Variants in CCN6 observed in about 807,000 individuals in gnomAD.
The protein encoded by CCN6 is CCN family member 6.
A neutral mutation model predicts 37.4 loss-of-function variants in CCN6; 31 were observed. The ratio of observed to expected loss-of-function variants is 0.83; its 90% confidence interval spans 0.62 to 1.12. The LOEUF (loss-of-function observed/expected upper bound fraction) is 1.12. CCN6 is among the 50% of genes most tolerant of loss of function. The pLI, the probability that CCN6 is intolerant of heterozygous loss-of-function variation, is 0.00. For synonymous variants in CCN6, 137 were observed against 142.1 expected, an observed-to-expected ratio of 0.96 and a Z score of 0.26; for missense variants, 369 against 413.8, an observed-to-expected ratio of 0.89 and a Z score of 0.94.
upstream of CCN6, among the ~76,000 whole-genome samples, chr6:112,053,789 G>T (rs587726022): frequency 6.6e-6 from 1 of 151,380 alleles, no homozygotes; most frequent in Non-Finnish European, 1.5e-5. Context: ...TGAGCTGGGG[G>T]AGTCAGGGTC....
chr6:112,066,488 T>C (rs587707207), intron 3 of CCN6, among the ~76,000 whole-genome samples: 6 of 152,302 alleles, frequency 3.9e-5, no homozygotes, highest in East Asian at 3.9e-4. Flanking sequence ...AGGCATCAGA[T>C]AGTCAGTCTT....
In CCN6 at chr6:112,064,922, A is replaced by G. The variant is rs1554313615; in HGVS notation, c.514A>G (p.Lys172Glu). 4 of 1,614,106 alleles carry G rather than the reference A, an allele frequency of 2.5e-6. No homozygotes were observed. The South Asian group carries it at 4.4e-5, about 18-fold the overall frequency. ...GSHCSGAKGG[K>E]KSDQSNCSLE... ...TCACTGCTCTGGAGCTAAAGGTGGA[A>G]AGAAGTCTGATCAGTCAAACTGTAG... The change falls in exon 3 of 5, where the codon AAG (lysine) becomes GAG (glutamate). Residue 172 changes from lysine to glutamate, a missense_variant. By Grantham distance (56) the Lys-to-Glu change is moderately conservative. Transcript: ENST00000368666.
chr6:112,062,744 C>T (rs1451641194), intron 2 of CCN6, among the ~76,000 whole-genome samples: 1 of 152,216 alleles, frequency 6.6e-6, no homozygotes, highest in Non-Finnish European at 1.5e-5. Context: ...TGACCAAACA[C>T]TCTCTGGCTT....
rs587735869 is a variant in CCN6 at position 112,060,099 on chromosome 6, G to T, written c.49-892G>T. ...GTGTGGAGGCAGCAAGGGGGTGAGT[G>T]GCAGTGGGCAAAGTAATATGGGGAG... On this transcript the variant is annotated intron_variant, in intron 1 of 4. Transcript: ENST00000368666. 176 of 1,360,440 alleles carry T rather than the reference G, an allele frequency of 1.3e-4. 2 individuals are homozygous for T. The South Asian group carries it at 2.0e-3, about 15-fold the overall frequency. The allele number at this position is 1,360,440 out of a possible 1,614,324, so 84.3% of individuals were successfully genotyped here. A position where few individuals can be genotyped will look rare whatever the true frequency, so the allele number is the denominator to read the frequency against.
chr6:112,055,336 T>TAG (rs1776315594), intron 1 of CCN6, among the ~76,000 whole-genome samples: 1 of 152,252 alleles, frequency 6.6e-6, no homozygotes, highest in East Asian at 1.9e-4. Flanking sequence ...CCACTGTTCT[T>TAG]GAGAAAAAGC....
intron 1 of CCN6, among the ~76,000 whole-genome samples, chr6:112,059,659 C>T (rs1466596218): frequency 6.6e-6 from 1 of 152,224 alleles, no homozygotes; most frequent in Non-Finnish European, 1.5e-5. Context: ...CATATATGCA[C>T]AGACTCCAGG....
At chr6:112,067,048 T>C (rs782336196) in intron 3 of CCN6, 7 of 1,365,720 alleles carry the variant, frequency 5.1e-6, no homozygotes, top group Non-Finnish European at 2.0e-6. Flanking sequence ...TTCACGTTTC[T>C]GCTTCCTCTC....
rs1554312776 is a variant in CCN6 at position 112,061,173 on chromosome 6, C to A, written c.231C>A (p.Ile77=). The A allele has an allele frequency of 2.5e-6, 4 of 1,614,146 alleles. No individual in the cohort carries two copies. In the East Asian group the frequency reaches 8.9e-5, roughly 36 times the overall value. ...GAGATGGCTGTGGATGCTGTAAAAT[C>A]TGTGCCAAGCAACCAGGGGAAATCT... ...LVRDGCGCCK[I]CAKQPGEICN... is the part of the protein sequence containing the mutation. Residue 77 remains isoleucine, a synonymous_variant, in exon 2 of 5, where the codon ATC becomes ATA. Coordinates refer to ENST00000368666, the MANE Select transcript of CCN6 (RefSeq NM_198239.2).
upstream of CCN6, chr6:112,054,092 A>C: frequency 6.5e-6 from 4 of 620,030 alleles, no homozygotes; most frequent in East Asian, 2.9e-5. Context: ...CCCGGGAGGA[A>C]AGTGCTCGCC....
chr6:112,062,874 C>T (rs1455953784), intron 2 of CCN6, among the ~76,000 whole-genome samples: 3 of 152,116 alleles, frequency 2.0e-5, no homozygotes, highest in Non-Finnish European at 4.4e-5. Context: ...GAAATTACCC[C>T]TTTATACTCT....
intron 1 of CCN6, among the ~76,000 whole-genome samples, chr6:112,056,162 T>C (rs1468201677): frequency 6.6e-6 from 1 of 152,204 alleles, no homozygotes; most frequent in Non-Finnish European, 1.5e-5. Context: ...ACATATTGAC[T>C]ATGTCCAGGC....
At chr6:112,060,669 A>G (rs587677587) in intron 1 of CCN6, among the ~76,000 whole-genome samples, 1 of 151,960 alleles carries the variant, frequency 6.6e-6, no homozygotes, top group Non-Finnish European at 1.5e-5. Flanking sequence ...GTGAGGGAAG[A>G]TACTTTAGAG....
chr6:112,063,726 A>C (rs1165506137), intron 2 of CCN6, among the ~76,000 whole-genome samples: 2 of 152,214 alleles, frequency 1.3e-5, no homozygotes, highest in African/African-American at 4.8e-5. Context: ...AAAAATTTCC[A>C]AAATACACAA....
At chr6:112,055,283 G>A (rs1413784590) in intron 1 of CCN6, among the ~76,000 whole-genome samples, 1 of 152,200 alleles carries the variant, frequency 6.6e-6, no homozygotes, top group African/African-American at 2.4e-5. Flanking sequence ...CATTGCTGCT[G>A]TTCTGTGGAG....
intron 1 of CCN6, among the ~76,000 whole-genome samples, chr6:112,057,888 TG>T (rs1776394703): frequency 6.6e-6 from 1 of 151,918 alleles, no homozygotes; most frequent in African/African-American, 2.4e-5. Flanking sequence ...AGGGGAGGAC[TG>T]GGGGGACCAG....
upstream of CCN6, among the ~76,000 whole-genome samples, chr6:112,053,840 G>T (rs1776267445): frequency 6.9e-6 from 1 of 145,294 alleles, no homozygotes; most frequent in Admixed American, 6.9e-5. Context: ...GAAAGCCAGG[G>T]CTAGGCTGCG....
Position 112,068,231 on chromosome 6 carries a change from A to G in CCN6, c.616A>G (p.Lys206Glu). The change falls in exon 4 of 5, where the codon AAA becomes GAA. Residue 206 changes from lysine to glutamate, a missense_variant. Transcript: ENST00000368666. The stretch of plus-strand genomic sequence containing the variant: ...TTATAGAAATCTCCCACTTATTTGG[A>G]AAAAAAAATGTCTTGTGCAAGCAAC... ...PAYRNLPLIWKKKCLVQATKW... is the reference protein window; with the variant it reads ...PAYRNLPLIWEKKCLVQATKW... 3 of 1,593,920 alleles carry G rather than the reference A, an allele frequency of 1.9e-6. No homozygotes were observed. The highest frequency in any genetic ancestry group is 1.7e-5 in the Admixed American group (1 of 57,514).
intron 1 of CCN6, chr6:112,060,001 A>T (rs782619697): frequency 2.2e-6 from 3 of 1,364,270 alleles, no homozygotes; most frequent in South Asian, 1.2e-5. Flanking sequence ...AAAGAGAGTA[A>T]AAGAGTGAGC....
chr6:112,053,010 C>G (rs3806966), upstream of CCN6, among the ~76,000 whole-genome samples: 101,041 of 151,982 alleles, frequency 0.66, 33,730 homozygotes, highest in East Asian at 0.78. Flanking sequence ...GGTGAGCAAT[C>G]GGTATAGGAT....
Sources: allele counts gnomAD v4.1 joint callset (sites outside exome capture counted in the v4.1 genomes callset), GRCh38; gene constraint gnomAD v4.1.1; transcripts MANE v1.5; gene names NCBI Gene and HGNC (gene_info 2026-07-23, HGNC 2026-07-21).